IFT56: variants seen among roughly 807,000 people sequenced by gnomAD.
The protein encoded by IFT56 is intraflagellar transport protein 56.
the IFT56 span, chr7:139,142,216 T>G: frequency 1.2e-6 from 2 of 1,612,376 alleles, no homozygotes; most frequent in South Asian, 2.2e-5. Flanking sequence ...ACTGCTAGAC[T>G]GTTGAGTTCT....
At chr7:139,160,836 T>A in the IFT56 span, 4 of 698,408 alleles carry the variant, frequency 5.7e-6, no homozygotes, top group African/African-American at 5.5e-5. Flanking sequence ...GTCATGAGGA[T>A]CAAATGAAAT....
At chr7:139,139,358 G>A in the IFT56 span, among the ~76,000 whole-genome samples, 1 of 152,144 alleles carries the variant, frequency 6.6e-6, no homozygotes, top group Non-Finnish European at 1.5e-5. Context: ...AGACACCTGG[G>A]AAAGACTGAT....
chr7:139,187,607 C>T, the IFT56 span: 1 of 1,554,418 alleles, frequency 6.4e-7, no homozygotes, highest in Non-Finnish European at 8.8e-7. Flanking sequence ...TACTTGTTCT[C>T]TTGGATGATA....
At chr7:139,180,162 C>G in the IFT56 span, among the ~76,000 whole-genome samples, 1 of 149,606 alleles carries the variant, frequency 6.7e-6, no homozygotes, top group East Asian at 2.0e-4. Context: ...ACGGTGAAAC[C>G]CCATCTCTAC....
the IFT56 span, among the ~76,000 whole-genome samples, chr7:139,153,650 A>G: frequency 2.0e-5 from 3 of 152,326 alleles, no homozygotes; most frequent in Admixed American, 2.0e-4. Context: ...ATGTTGTAGC[A>G]TCTATCAGTA....
chr7:139,187,302 A>C, the IFT56 span: 2 of 1,354,556 alleles, frequency 1.5e-6, no homozygotes, highest in Admixed American at 2.2e-5. Context: ...GTCAGCACCC[A>C]TGCACTTATT....
At chr7:139,138,532 C>T in the IFT56 span, among the ~76,000 whole-genome samples, 4 of 152,100 alleles carry the variant, frequency 2.6e-5, no homozygotes, top group South Asian at 2.1e-4. Flanking sequence ...ATCTTGTGTA[C>T]GTTTTACTTT....
chr7:139,147,119 T>C, the IFT56 span: 1 of 1,610,246 alleles, frequency 6.2e-7, no homozygotes, highest in Non-Finnish European at 8.5e-7. Flanking sequence ...AATCTTTACA[T>C]GTCTTTTCCA....
chr7:139,154,042 A>G, the IFT56 span, among the ~76,000 whole-genome samples: 7 of 152,288 alleles, frequency 4.6e-5, no homozygotes, highest in South Asian at 1.2e-3. Flanking sequence ...TAGTGGTGTG[A>G]AGTGGAATCT....
chr7:139,152,017 C>T, the IFT56 span, among the ~76,000 whole-genome samples: 23 of 152,100 alleles, frequency 1.5e-4, no homozygotes, highest in African/African-American at 4.3e-4. Flanking sequence ...GCTGAGATTG[C>T]GCCACTACAT....
At chr7:139,168,468 T>C in the IFT56 span, 2 of 1,183,464 alleles carry the variant, frequency 1.7e-6, no homozygotes. Flanking sequence ...AAAATGACTA[T>C]CAAAGTGCAA....
chr7:139,147,039 C>G, the IFT56 span: 1 of 1,555,806 alleles, frequency 6.4e-7, no homozygotes, highest in South Asian at 1.2e-5. Context: ...GAGAGAGACA[C>G]AATGGCTAAA....
At chr7:139,169,911 G>A in the IFT56 span, among the ~76,000 whole-genome samples, 1 of 152,150 alleles carries the variant, frequency 6.6e-6, no homozygotes, top group Non-Finnish European at 1.5e-5. Flanking sequence ...CTACTTGAGA[G>A]GCTGAGGTGT....
chr7:139,148,235 C>T, the IFT56 span: 1 of 1,612,794 alleles, frequency 6.2e-7, no homozygotes, highest in Admixed American at 1.7e-5. Context: ...GTTTATGTGG[C>T]CCTCTGCTAC....
chr7:139,137,753 C>A, the IFT56 span: 3 of 817,712 alleles, frequency 3.7e-6, no homozygotes, highest in Admixed American at 2.4e-5. Flanking sequence ...ACTTAGATTG[C>A]CTGTTGTCAG....
chr7:139,179,467 G>A, the IFT56 span: 16 of 799,350 alleles, frequency 2.0e-5, no homozygotes, highest in Middle Eastern at 2.3e-4. Flanking sequence ...ATAGAATTGG[G>A]CTGTCTATAA....
chr7:139,148,133 C>T, the IFT56 span: 1 of 1,383,928 alleles, frequency 7.2e-7, no homozygotes, highest in Admixed American at 1.8e-5. Context: ...TTGCCTTGTC[C>T]ATTTGAGCTT....
At chr7:139,135,760 AGAAT>A in the IFT56 span, among the ~76,000 whole-genome samples, 1 of 152,272 alleles carries the variant, frequency 6.6e-6, no homozygotes, top group South Asian at 2.1e-4. Flanking sequence ...GTTGCACCAA[AGAAT>A]GAAGAGTTCT....
chr7:139,175,240 C>CTACTGTAAATTAGCACA, the IFT56 span, among the ~76,000 whole-genome samples: 3 of 151,968 alleles, frequency 2.0e-5, no homozygotes, highest in Non-Finnish European at 4.4e-5. Context: ...AATTAGCACA[C>CTACTGTAAATTAGCACA]CTACTATGTA....
Sources: gnomAD v4.1 joint callset for allele counts (sites outside exome capture counted in the v4.1 genomes callset) on GRCh38, gnomAD v4.1.1 for gene constraint, MANE v1.5 for transcripts, NCBI Gene and HGNC (gene_info 2026-07-23, HGNC 2026-07-21) for gene names.